Variants in TRIM49C observed in about 807,000 individuals in gnomAD.
TRIM49C encodes the protein tripartite motif-containing protein 49C.
A neutral mutation model predicts 21.4 loss-of-function variants in TRIM49C; 6 were observed. That is an observed-to-expected ratio of 0.28 (90% CI 0.15 to 0.55). The LOEUF is 0.55. Ranked by LOEUF, TRIM49C falls within the 20% of genes least tolerant of loss-of-function variation. The pLI is 0.94. For missense variants in TRIM49C, 161 were observed against 442.4 expected (o/e 0.36, Z 5.71); for synonymous variants, 57 against 148.1 (o/e 0.38, Z 4.47).
chr11:90,036,123 A>T lies in TRIM49C; in HGVS notation c.507+140A>T, dbSNP rs1329688295. The T allele has an allele frequency of 1.3e-5, 15 of 1,162,180 alleles. 2 individuals carry two copies. Among genetic ancestry groups the T allele is most frequent in the Middle Eastern group, 3.2e-4 (1 of 3,146 alleles). The allele number at this position is 1,162,180 out of a possible 1,614,324, so 72.0% of individuals were successfully genotyped here. On this transcript the variant is annotated intron_variant, in intron 4 of 7. Coordinates refer to ENST00000448984, the MANE Select transcript of TRIM49C (RefSeq NM_001195234.1). ...AAGGCGAGAGAAAACATTGAGAAAA[A>T]GTGGCCTCATTTTTATACAGAATAG...
the TRIM49C span, among the ~76,000 whole-genome samples, chr11:90,054,078 C>A: frequency 7.3e-6 from 1 of 136,966 alleles, no homozygotes; most frequent in Non-Finnish European, 1.6e-5. Flanking sequence ...AAAGTCTTTT[C>A]ACATAATAAA....
intron 3 of TRIM49C, 131 bp from the exon 4 acceptor site, chr11:90,035,757 C>A (rs1008375645): frequency 2.6e-6 from 2 of 768,292 alleles, no homozygotes; most frequent in Non-Finnish European, 3.7e-6. Context: ...AGCTTCCAAC[C>A]TCTGGGCTTT....
At chr11:90,036,128 C>G in intron 4 of TRIM49C, 145 bp downstream of exon 4, 1 of 1,132,118 alleles carries the variant, frequency 8.8e-7, no homozygotes. Flanking sequence ...GAAAAAGTGG[C>G]CTCATTTTTA....
the TRIM49C span, among the ~76,000 whole-genome samples, chr11:90,069,250 G>A: frequency 8.2e-6 from 1 of 122,306 alleles, no homozygotes; most frequent in African/African-American, 3.5e-5. Context: ...GACTACAGGC[G>A]CTCGCCACCA....
the TRIM49C span, among the ~76,000 whole-genome samples, chr11:90,064,298 T>C: frequency 1.3e-5 from 2 of 151,498 alleles, no homozygotes; most frequent in Admixed American, 1.3e-4. Flanking sequence ...ATTCAGATGA[T>C]TAGAGAGAAC....
chr11:90,039,634 C>T (rs1306852796), intron 6 of TRIM49C, among the ~76,000 whole-genome samples: 1 of 123,378 alleles, frequency 8.1e-6, no homozygotes, highest in Non-Finnish European at 1.7e-5. Flanking sequence ...GAACCTTACA[C>T]ATTTGGAGCA....
At chr11:90,064,393 AC>A in the TRIM49C span, among the ~76,000 whole-genome samples, 3 of 151,036 alleles carry the variant, frequency 2.0e-5, no homozygotes, top group African/African-American at 4.9e-5. Context: ...TAAAATAACA[AC>A]AAAAAAAGTG....
At chr11:90,066,055 C>T in the TRIM49C span, among the ~76,000 whole-genome samples, 1 of 138,918 alleles carries the variant, frequency 7.2e-6, no homozygotes, top group Non-Finnish European at 1.6e-5. Flanking sequence ...GTATCTTGCT[C>T]TGTCGCCCAG....
At chr11:90,061,609 A>T in the TRIM49C span, among the ~76,000 whole-genome samples, 3 of 94,584 alleles carry the variant, frequency 3.2e-5, no homozygotes. Context: ...CATATTATGC[A>T]GTTTTTTTTT....
chr11:90,066,240 G>C, the TRIM49C span, among the ~76,000 whole-genome samples: 4 of 135,536 alleles, frequency 3.0e-5, no homozygotes, highest in East Asian at 9.4e-4. Context: ...AGCTGGTCTC[G>C]AACTCCTCAC....
At position 90,038,541 on chromosome 11, in the gene TRIM49C, T is replaced by C. The variant is rs1206626733; in HGVS notation, c.739-152T>C. On this transcript the variant is annotated intron_variant, in intron 5 of 7. Coordinates refer to ENST00000448984, the MANE Select transcript of TRIM49C (RefSeq NM_001195234.1). ...TAATAACAATACAACTGACTGGGTT[T>C]TTCATTACAGAAGAAATAGAAAATA... Among the ~76,000 whole-genome samples the C allele has an allele frequency of 3.6e-5, 5 of 139,660 alleles. 1 individual carries two copies. The highest frequency in any genetic ancestry group is 7.8e-5 in the Non-Finnish European group (5 of 64,094). The allele number at this position is 139,660 out of a possible 152,430, so 91.6% of individuals were successfully genotyped here.
the TRIM49C span, among the ~76,000 whole-genome samples, chr11:90,066,045 G>A: frequency 7.2e-6 from 1 of 138,616 alleles, no homozygotes; most frequent in Non-Finnish European, 1.6e-5. Flanking sequence ...TTTTGAGACG[G>A]TATCTTGCTC....
chr11:90,036,152 G>A lies in TRIM49C; in HGVS notation c.507+169G>A, dbSNP rs568959474. 1.7e-5 allele frequency among the ~76,000 whole-genome samples: 2 copies of A among 116,698 alleles called. 1 individual carries two copies. Among genetic ancestry groups the A allele is most frequent in the East Asian group, 5.2e-4 (2 of 3,840 alleles). The allele number at this position is 116,698 out of a possible 152,430, so 76.6% of individuals were successfully genotyped here. On this transcript the variant is annotated intron_variant, in intron 4 of 7. Coordinates refer to ENST00000448984, the MANE Select transcript of TRIM49C (RefSeq NM_001195234.1). The stretch of plus-strand genomic sequence containing the variant: ...GCCTCATTTTTATACAGAATAGTAT[G>A]CCTGTTAGGTAGGATTTCTAAGAAA...
the TRIM49C span, among the ~76,000 whole-genome samples, chr11:90,070,448 C>T: frequency 3.8e-5 from 5 of 132,206 alleles, no homozygotes; most frequent in Admixed American, 2.7e-4. Context: ...AGGTGGTTCT[C>T]GAAGAACTCT....
At chr11:90,049,802 C>T in the TRIM49C span, 3 of 126,932 alleles carry the variant, frequency 2.4e-5, 1 homozygote, top group Non-Finnish European at 4.8e-5. Flanking sequence ...TGAGATGAAT[C>T]CAGTACCTCT....
chr11:90,072,300 T>G, the TRIM49C span, among the ~76,000 whole-genome samples: 1 of 148,440 alleles, frequency 6.7e-6, no homozygotes, highest in South Asian at 2.2e-4. Flanking sequence ...AATAAGAACG[T>G]GATTTGGTGG....
downstream of TRIM49C, among the ~76,000 whole-genome samples, chr11:90,046,891 T>C (rs1336220135): frequency 8.0e-6 from 1 of 125,336 alleles, no homozygotes; most frequent in Non-Finnish European, 1.6e-5. Flanking sequence ...TCCTGCTTTC[T>C]CTTGTGGGCA....
chr11:90,054,041 C>A, the TRIM49C span, among the ~76,000 whole-genome samples: 3 of 137,356 alleles, frequency 2.2e-5, no homozygotes, highest in South Asian at 4.9e-4. Flanking sequence ...TAATTTATAT[C>A]TTCAATTATT....
At chr11:90,046,890 C>G (rs551310527), downstream of TRIM49C, among the ~76,000 whole-genome samples, 20 of 124,742 alleles carry the variant, frequency 1.6e-4, 7 homozygotes, top group South Asian at 3.6e-3. Flanking sequence ...TTCCTGCTTT[C>G]TCTTGTGGGC....
Sources: allele counts gnomAD v4.1 joint callset (sites outside exome capture counted in the v4.1 genomes callset), GRCh38; gene constraint gnomAD v4.1.1; transcripts MANE v1.5; gene names NCBI Gene and HGNC (gene_info 2026-07-23, HGNC 2026-07-21).